CCP110: variants seen among roughly 807,000 people sequenced by gnomAD.
The protein encoded by CCP110 is centriolar coiled-coil protein of 110 kDa.
A neutral mutation model predicts 105.5 loss-of-function variants in CCP110; 43 were observed. The ratio of observed to expected loss-of-function variants is 0.41; its 90% CI spans 0.32 to 0.53. The LOEUF (loss-of-function observed/expected upper bound fraction) is 0.53, where lower values mean the gene tolerates loss of function less well. Ranked by LOEUF, CCP110 falls within the 20% of genes least tolerant of loss-of-function variation. The probability of loss-of-function intolerance (pLI) is 0.32; values close to 1 mark genes in which losing one functional copy is unlikely to be tolerated. For synonymous variants in CCP110, 353 were observed against 392.1 expected (o/e 0.90, Z 1.18); for missense variants, 1,016 against 1,189.1 (o/e 0.85, Z 2.14).
chr16:19,540,617 T>C, intron 4 of CCP110, 40 bp from the exon 5 acceptor site: 1 of 1,558,032 alleles, frequency 6.4e-7, no homozygotes, highest in Non-Finnish European at 8.8e-7. Flanking sequence ...GACATTAGAC[T>C]TGTGAATTTT....
At chr16:19,536,992 T>C (rs763775545) in exon 4 of CCP110, 2 of 1,614,220 alleles carry the variant, frequency 1.2e-6, no homozygotes, top group East Asian at 4.5e-5. Context: ...GCAAGGTTTA[T>C]GTGGGCAAAA....
intron 1 of CCP110, among the ~76,000 whole-genome samples, chr16:19,527,365 TA>T (rs58097336): frequency 0.15 from 21,055 of 143,616 alleles, 2,087 homozygotes; most frequent in East Asian, 0.4. Context: ...CTTGTCTCTT[TA>T]AAAAAAAAAA....
At position 19,543,408 on chromosome 16, in the gene CCP110, AT is replaced by A. The variant is rs144876150; in HGVS notation, c.2484+415del. Among the ~76,000 whole-genome samples, 1,381 of 152,314 alleles carry A rather than the reference AT, an allele frequency of 9.1e-3. 17 individuals are homozygous for A. The highest frequency in any genetic ancestry group is 0.032 in the African/African-American group (1,314 of 41,568). On this transcript the variant is annotated intron_variant, in intron 8 of 14. Transcript: ENST00000381396. ...ATCCTGTTATCTTCATAAGCTGAGGATGTAGGTCACCTCAGGACCACTATTG... is the reference window on the plus strand; with the variant it reads ...ATCCTGTTATCTTCATAAGCTGAGGAGTAGGTCACCTCAGGACCACTATTG...
chr16:19,540,891 T>A, intron 5 of CCP110, 104 bp downstream of exon 5: 1 of 888,412 alleles, frequency 1.1e-6, no homozygotes. Context: ...CCTCCATATA[T>A]CTTAAGGTAA....
In CCP110 at chr16:19,548,386, C is replaced by G; in HGVS notation, c.2901-129C>G. On this transcript the variant is annotated intron_variant, in intron 13 of 14. Coordinates refer to ENST00000381396, the Ensembl canonical transcript of CCP110. This position sits in a 1 kb window ranked among gnomAD's most constrained non-coding sequence, Gnocchi z 4.1. The stretch of plus-strand genomic sequence containing the variant: ...TTTAGCTTTCCTTACTGTGCGCATG[C>G]ATGAGACTTCAGTTCTTTTCAAGCT... 1.6e-6 allele frequency: 1 copy of G among 642,566 alleles called. No homozygotes were observed. The highest frequency in any genetic ancestry group is 2.7e-5 in the East Asian group (1 of 36,428). 39.8% of individuals were successfully genotyped at this position (642,566 alleles called of 1,614,324 possible).
intron 2 of CCP110, among the ~76,000 whole-genome samples, chr16:19,528,727 C>T (rs1260505056): frequency 6.6e-6 from 1 of 152,082 alleles, no homozygotes; most frequent in Non-Finnish European, 1.5e-5. Context: ...GAGACCTCAT[C>T]TCTATAAAAA....
intron 5 of CCP110, 123 bp downstream of exon 5, chr16:19,540,910 T>C (rs2151476684): frequency 3.5e-6 from 2 of 577,322 alleles, no homozygotes; most frequent in African/African-American, 3.8e-5. Context: ...AAGGGAGTCA[T>C]TTTGATACGT....
At chr16:19,545,672 C>T in intron 10 of CCP110, 145 bp from the exon 11 acceptor site, 1 of 592,478 alleles carries the variant, frequency 1.7e-6, no homozygotes, top group Non-Finnish European at 3.0e-6. Flanking sequence ...TAGACTGCTT[C>T]AAAAATACAA....
intron 4 of CCP110, among the ~76,000 whole-genome samples, chr16:19,539,648 C>G (rs1970208530): frequency 1.3e-5 from 2 of 151,914 alleles, no homozygotes; most frequent in Admixed American, 6.6e-5. Flanking sequence ...GCCACCAGCC[C>G]TGGCCCATCC....
chr16:19,542,776 G>C lies in CCP110; in HGVS notation c.2367+16G>C. ...ATGGTCTCAAGTGGGTAAACTTAAT[G>C]ATACATGTCCATCTATCTATTTATC... On this transcript the variant is annotated intron_variant, in intron 7 of 14. Transcript: ENST00000381396. The C allele has an allele frequency of 6.2e-7, 1 of 1,604,218 alleles. No homozygotes were observed. The highest frequency in any genetic ancestry group is 8.5e-7 in the Non-Finnish European group (1 of 1,171,194).
chr16:19,545,945 C>G lies in CCP110; in HGVS notation c.2777+55C>G, dbSNP rs2301688. On this transcript the variant is annotated intron_variant, in intron 11 of 14. Transcript: ENST00000381396. ...TATCAAACCAATTAATTTTAGTCAT[C>G]TGTTGGTCTATTTGCATATTTAAAT... The G allele has an allele frequency of 1.5e-3, 1,501 of 998,878 alleles. 7 individuals carry two copies. Among genetic ancestry groups the G allele is most frequent in the Non-Finnish European group, 2.1e-3 (1,320 of 640,626 alleles). 61.9% of individuals were successfully genotyped at this position (998,878 alleles called of 1,614,324 possible).
rs543389727 is a variant in CCP110 at position 19,529,906 on chromosome 16, T to A, written c.141+1884T>A. Among the ~76,000 whole-genome samples the A allele has an allele frequency of 1.9e-3, 293 of 152,300 alleles. 1 individual carries two copies. Among genetic ancestry groups the A allele is most frequent in the African/African-American group, 6.8e-3 (284 of 41,554 alleles). Reference sequence around the variant, plus strand: ...TGTACGTCTTAAAAACAGTTTTTTTTATTGGTTGAGCATGGTGCCTCACGC... The same window carrying A: ...TGTACGTCTTAAAAACAGTTTTTTTAATTGGTTGAGCATGGTGCCTCACGC... On this transcript the variant is annotated intron_variant, in intron 2 of 14. Transcript: ENST00000381396.
intron 2 of CCP110, among the ~76,000 whole-genome samples, 192 bp from the exon 3 acceptor site, chr16:19,532,224 A>C (rs1969894360): frequency 6.6e-6 from 1 of 152,186 alleles, no homozygotes; most frequent in African/African-American, 2.4e-5. Context: ...TCACACCCAC[A>C]CAGGATTTTC....
chr16:19,539,123 AT>A (rs201938052), intron 4 of CCP110, among the ~76,000 whole-genome samples: 1,710 of 108,356 alleles, frequency 0.016, 38 homozygotes, highest in African/African-American at 0.075. Flanking sequence ...AAAAAAAAAA[AT>A]AATAATAATA....
chr16:19,537,220 A>C, exon 4 of CCP110: 4 of 1,614,186 alleles, frequency 2.5e-6, no homozygotes, highest in Non-Finnish European at 3.4e-6. Flanking sequence ...TAGCAAGTCC[A>C]AACTTTGGAA....
chr16:19,537,733 A>G (rs574641216), intron 4 of CCP110, 146 bp downstream of exon 4: 2 of 570,792 alleles, frequency 3.5e-6, no homozygotes, highest in South Asian at 2.4e-5. Flanking sequence ...TTAGTCAGCT[A>G]CAGTTTATTG....
chr16:19,551,413 C>T, exon 15 of CCP110: 1 of 678,024 alleles, frequency 1.5e-6, no homozygotes, highest in Non-Finnish European at 2.7e-6. Context: ...ATTCCTGCTC[C>T]ACACCCCTAT....
rs565899199 is a variant in CCP110 at position 19,552,724 on chromosome 16, T to G, written c.*1476T>G. On this transcript the variant is annotated 3_prime_UTR_variant, in exon 15 of 15. Coordinates refer to ENST00000381396, the Ensembl canonical transcript of CCP110. ...TGGTATTTTGAAAATGCAACCTATA[T>G]ATATTCTTAATATCCTTTTAAGAAT... is the stretch of plus-strand genomic sequence containing the variant. 2.6e-5 allele frequency: 4 copies of G among 152,330 alleles called. No homozygotes were observed. The East Asian group carries it at 7.7e-4, about 29-fold the overall frequency. The allele number at this position is 152,330 out of a possible 1,614,324, so 9.4% of individuals were successfully genotyped here.
chr16:19,524,756 T>A (rs552281690), intron 1 of CCP110: 1 of 152,336 alleles, frequency 6.6e-6, no homozygotes, highest in South Asian at 2.1e-4. Context: ...AGGAAGCCGT[T>A]GTCCCCTTTT....
Sources: gnomAD v4.1 joint callset for allele counts (sites outside exome capture counted in the v4.1 genomes callset) on GRCh38, gnomAD v4.1.1 for gene constraint, Gnocchi (gnomAD v3.1) non-coding constraint, MANE v1.5 for transcripts, NCBI Gene and HGNC (gene_info 2026-07-23, HGNC 2026-07-21) for gene names.